Variants in PPP2R5E observed in about 807,000 individuals in gnomAD.
PPP2R5E encodes the protein serine/threonine-protein phosphatase 2A 56 kDa regulatory subunit epsilon isoform.
PPP2R5E carries 4 observed loss-of-function variants against 65.3 expected under a neutral mutation model. That is an observed-to-expected ratio of 0.06 (90% CI 0.03 to 0.14). The LOEUF is 0.14. Ranked by LOEUF, PPP2R5E falls within the 10% of genes least tolerant of loss-of-function variation. The pLI is 1.00. For synonymous variants in PPP2R5E, 183 were observed against 187.4 expected, an observed-to-expected ratio of 0.98 and a Z score of 0.19; for missense variants, 274 against 556.1, an observed-to-expected ratio of 0.49 and a Z score of 5.10.
At chr14:63,468,151 G>A (rs771349340) in intron 2 of PPP2R5E, among the ~76,000 whole-genome samples, 16 of 152,166 alleles carry the variant, frequency 1.1e-4, no homozygotes, top group Non-Finnish European at 2.2e-4. Flanking sequence ...TACAAAATGA[G>A]CCTAAAAACA....
chr14:63,399,260 G>A (rs887523386), intron 5 of PPP2R5E, among the ~76,000 whole-genome samples: 2 of 150,974 alleles, frequency 1.3e-5, no homozygotes, highest in Non-Finnish European at 2.9e-5. Flanking sequence ...AGACACAGAA[G>A]GCCATACAAT....
rs141933639 is a variant in PPP2R5E, at chr14:63,539,383, T to A, written c.157+146A>T. ...CCTTTAAAAAGGAGAGTGGGTATAT[T>A]TGGTCACACATTAGTAACTTCAATG... On this transcript the variant is annotated intron_variant, in intron 2 of 13. Transcript: ENST00000337537. 9.1e-5 allele frequency: 71 copies of A among 781,870 alleles called. 1 individual carries two copies. The African/African-American group carries it at 1.1e-3, about 12-fold the overall frequency. The allele number at this position is 781,870 out of a possible 1,614,324, so 48.4% of individuals were successfully genotyped here.
rs1191990044 is a variant in PPP2R5E at position 63,510,668 on chromosome 14, G to GGGA, written c.157+28858_157+28860dup. ...TAGTGTGTTTGAGAAACAGCAAGGA[G>GGGA]GGAGTGTGGCTAAAAGCAGTGAGTT... On this transcript the variant is annotated intron_variant, in intron 2 of 13. Transcript: ENST00000337537. 2.3e-4 allele frequency among the ~76,000 whole-genome samples: 35 copies of GGGA among 152,358 alleles called. 1 individual carries two copies. The highest frequency in any genetic ancestry group is 8.5e-4 in the Admixed American group (13 of 15,304).
At chr14:63,516,448 GA>G (rs1263232398) in intron 2 of PPP2R5E, among the ~76,000 whole-genome samples, 1 of 152,146 alleles carries the variant, frequency 6.6e-6, no homozygotes, top group Non-Finnish European at 1.5e-5. Context: ...CACAGATGAA[GA>G]AAAAATGTTT....
intron 2 of PPP2R5E, among the ~76,000 whole-genome samples, chr14:63,508,693 G>A (rs112854588): frequency 5.9e-5 from 9 of 152,096 alleles, no homozygotes; most frequent in Non-Finnish European, 1.0e-4. Flanking sequence ...CCTTCCTCTC[G>A]TAAGAAGCCA....
At chr14:63,386,517 A>T (rs772162634) in intron 11 of PPP2R5E, among the ~76,000 whole-genome samples, 1 of 152,334 alleles carries the variant, frequency 6.6e-6, no homozygotes, top group Non-Finnish European at 1.5e-5. Context: ...TATCCAATGT[A>T]AACTGTGACA....
At chr14:63,540,291 C>T (rs937675238) in intron 1 of PPP2R5E, among the ~76,000 whole-genome samples, 3 of 151,462 alleles carry the variant, frequency 2.0e-5, no homozygotes, top group Admixed American at 6.6e-5. Flanking sequence ...ATTAGCCAGG[C>T]GCAGTGGCAT....
At chr14:63,474,559 G>GCTACT (rs1890301279) in intron 2 of PPP2R5E, among the ~76,000 whole-genome samples, 1 of 151,082 alleles carries the variant, frequency 6.6e-6, no homozygotes, top group African/African-American at 2.4e-5. Context: ...TATAATCCCA[G>GCTACT]CTACTCGGGA....
At chr14:63,431,700 A>T (rs908512749) in intron 3 of PPP2R5E, among the ~76,000 whole-genome samples, 19 of 152,226 alleles carry the variant, frequency 1.2e-4, no homozygotes, top group African/African-American at 4.6e-4. Flanking sequence ...CATTGTTTAC[A>T]TGTGACTAAG....
In PPP2R5E at chr14:63,379,826, C is replaced by CTCTCTCTCT. The variant is rs528081976; in HGVS notation, c.1304+2229_1304+2230insAGAGAGAGA. Among the ~76,000 whole-genome samples the CTCTCTCTCT allele has an allele frequency of 8.3e-3, 836 of 100,380 alleles. 39 individuals carry two copies. Among genetic ancestry groups the CTCTCTCTCT allele is most frequent in the African/African-American group, 0.018 (350 of 19,210 alleles). 65.9% of individuals were successfully genotyped at this position (100,380 alleles called of 152,430 possible). The stretch of plus-strand genomic sequence containing the variant: ...TAAGTTGTTCTTCAATATTCTCTCT[C>CTCTCTCTCT]TTTTTTTTTTTTTTTTTTTTTTTTT... On this transcript the variant is annotated intron_variant, in intron 13 of 13. Coordinates refer to ENST00000337537, the MANE Select transcript of PPP2R5E (RefSeq NM_006246.5).
At chr14:63,397,697 T>C (rs1462025780) in intron 5 of PPP2R5E, among the ~76,000 whole-genome samples, 1 of 151,928 alleles carries the variant, frequency 6.6e-6, no homozygotes, top group Non-Finnish European at 1.5e-5. Flanking sequence ...ACATTGATTA[T>C]TTCTGTTGTA....
intron 3 of PPP2R5E, among the ~76,000 whole-genome samples, chr14:63,445,989 TG>T (rs1217498476): frequency 6.6e-6 from 1 of 152,244 alleles, no homozygotes; most frequent in Non-Finnish European, 1.5e-5. Context: ...TCCCAAACCC[TG>T]CCACTGCTTG....
intron 2 of PPP2R5E, among the ~76,000 whole-genome samples, chr14:63,459,608 T>C (rs369169682): frequency 2.6e-5 from 4 of 152,338 alleles, no homozygotes; most frequent in African/African-American, 9.6e-5. Flanking sequence ...CCAATCCAAT[T>C]ACTTTATTAT....
chr14:63,498,277 C>T (rs147940650), intron 2 of PPP2R5E, among the ~76,000 whole-genome samples: 2 of 152,282 alleles, frequency 1.3e-5, no homozygotes, highest in South Asian at 2.1e-4. Context: ...GTTCTACTTA[C>T]AAAAGAAACT....
In PPP2R5E at chr14:63,432,610, C is replaced by T. The variant is rs939048653; in HGVS notation, c.355-10516G>A. Among the ~76,000 whole-genome samples the T allele has an allele frequency of 2.6e-5, 4 of 152,166 alleles. No individual in the cohort carries two copies. The East Asian group carries it at 7.7e-4, about 29-fold the overall frequency. ...TGTCTTTTGTTTCCACTCTCCTTGA[C>T]CTGTGGCATGTTCATCAGAAGACAG... On this transcript the variant is annotated intron_variant, in intron 3 of 13. Transcript: ENST00000337537.
intron 2 of PPP2R5E, among the ~76,000 whole-genome samples, chr14:63,520,263 C>G (rs1024975164): frequency 9.2e-5 from 14 of 151,802 alleles, no homozygotes; most frequent in Admixed American, 2.6e-4. Context: ...TCTCGATCTT[C>G]TGACCTCATG....
chr14:63,445,688 A>G (rs934254696), intron 3 of PPP2R5E, among the ~76,000 whole-genome samples: 5 of 152,094 alleles, frequency 3.3e-5, no homozygotes, highest in Non-Finnish European at 5.9e-5. Flanking sequence ...ACTAAAATAC[A>G]AAAATTAGCT....
intron 5 of PPP2R5E, 130 bp from the exon 6 acceptor site, chr14:63,396,846 G>A: frequency 9.1e-7 from 1 of 1,104,388 alleles, no homozygotes; most frequent in South Asian, 1.7e-5. Context: ...GCCAAGCACA[G>A]TGCTAGTCTT....
At chr14:63,414,607 G>A (rs1185171085) in intron 5 of PPP2R5E, among the ~76,000 whole-genome samples, 2 of 152,162 alleles carry the variant, frequency 1.3e-5, no homozygotes, top group East Asian at 1.9e-4. Flanking sequence ...AAGTGTTCCC[G>A]GAGATGTTCC....
Sources: allele counts gnomAD v4.1 joint callset (sites outside exome capture counted in the v4.1 genomes callset), GRCh38; gene constraint gnomAD v4.1.1; transcripts MANE v1.5; gene names NCBI Gene and HGNC (gene_info 2026-07-23, HGNC 2026-07-21).